Variants in FKBP15 observed in about 807,000 individuals in gnomAD.
FKBP15 encodes FKBP prolyl isomerase family member 15, also known as FK506-binding protein 15.
FKBP15 carries 106 observed loss-of-function variants against 158.1 expected under a neutral mutation model. The ratio of observed to expected loss-of-function variants is 0.67; its 90% CI spans 0.57 to 0.79. The LOEUF (loss-of-function observed/expected upper bound fraction) is 0.79. Among genes scored for constraint, FKBP15 ranks in the 30% least tolerant of loss-of-function variants. The probability of loss-of-function intolerance (pLI) is 0.00; values close to 1 mark genes in which losing one functional copy is unlikely to be tolerated. For missense variants in FKBP15, 1,287 were observed against 1,479.1 expected, an observed-to-expected ratio of 0.87 and a Z score of 2.13; for synonymous variants, 547 against 548.6, an observed-to-expected ratio of 1.00 and a Z score of 0.04.
At position 113,176,533 on chromosome 9, in the gene FKBP15, T is replaced by C; in HGVS notation, c.2223+4A>G. The C allele has an allele frequency of 6.4e-7, 1 of 1,553,176 alleles. No homozygotes were observed. On this transcript the variant is annotated splice_donor_region_variant and intron_variant, in intron 21 of 27. Coordinates refer to ENST00000238256, the MANE Select transcript of FKBP15 (RefSeq NM_015258.2). ...ATTCTGGCCAACTGGGTTGTAGAGC[T>C]TACCTTTTCCAAGGACTCCTTCTCA...
chr9:113,167,119 T>C (rs1191460094), intron 27 of FKBP15, among the ~76,000 whole-genome samples: 3 of 152,248 alleles, frequency 2.0e-5, no homozygotes, highest in Non-Finnish European at 2.9e-5. Flanking sequence ...TTTTCAAGTG[T>C]GGCTCACAGC....
chr9:113,187,705 C>T, intron 14 of FKBP15, 88 bp downstream of exon 14: 2 of 1,064,300 alleles, frequency 1.9e-6, no homozygotes, highest in Non-Finnish European at 2.8e-6. Context: ...GGAACTGCTA[C>T]TGTATGAAAT....
In FKBP15 at chr9:113,178,796, C is replaced by T. The variant is rs1830343171; in HGVS notation, c.1920G>A (p.Lys640=). 2 of 1,604,108 alleles carry T rather than the reference C, an allele frequency of 1.2e-6. No homozygotes were observed. Among genetic ancestry groups the T allele is most frequent in the Admixed American group, 3.4e-5 (2 of 58,470 alleles). The change falls in exon 20 of 28, where the codon AAG becomes AAA. Residue 640 remains lysine (K), a synonymous_variant. Coordinates refer to ENST00000238256, the MANE Select transcript of FKBP15 (RefSeq NM_015258.2). ...RVLHAEQEKA[K]VTEELAAATA... is the part of the protein sequence containing the mutation. ...TGGCCGCTGCTAACTCCTCTGTCACCTTGGCCTGAATAATAACAAAGTATG... is the reference window on the plus strand; with the variant it reads ...TGGCCGCTGCTAACTCCTCTGTCACTTTGGCCTGAATAATAACAAAGTATG...
rs770459238 is a variant in FKBP15 at position 113,203,009 on chromosome 9, T to C, written c.351A>G (p.Gln117=). 1 of 1,612,802 alleles carries C rather than the reference T, an allele frequency of 6.2e-7. No homozygotes were observed. The highest frequency in any genetic ancestry group is 8.5e-7 in the Non-Finnish European group (1 of 1,179,408). ...TCCTAGCAACCGTAACTGGCTGTTG[T>C]TGACTGATATAAAGAAGAATCCTAT... The part of the protein sequence containing the change: ...REYRILLYIS[Q]QQPVTVARIH... Residue 117 remains glutamine (Q), a synonymous_variant, in exon 5 of 28, where the codon CAA becomes CAG. Transcript: ENST00000238256.
rs937544032 is a variant in FKBP15 at position 113,173,021 on chromosome 9, T to C, written c.2532+432A>G. Among the ~76,000 whole-genome samples, 5 of 152,184 alleles carry C rather than the reference T, an allele frequency of 3.3e-5. No homozygotes were observed. In the East Asian group the frequency reaches 9.6e-4, roughly 29 times the overall value. ...TTGGCTCTGCTCAAATGTCACCACC[T>C]TTGGGAAACCTTCCCAGCTCTCCTG... On this transcript the variant is annotated intron_variant, in intron 23 of 27. Transcript: ENST00000238256.
At position 113,198,887 on chromosome 9, in the gene FKBP15, G is replaced by A. The variant is rs772357114; in HGVS notation, c.685C>T (p.Arg229Cys). 5 of 1,605,882 alleles carry A rather than the reference G, an allele frequency of 3.1e-6. No homozygotes were observed. Among genetic ancestry groups the A allele is most frequent in the Non-Finnish European group, 4.3e-6 (5 of 1,175,846 alleles). The change falls in exon 8 of 28, where the codon CGC (arginine) becomes TGC (cysteine). Residue 229 changes from arginine (R) to cysteine (C), a missense_variant. Physicochemically the swap from Arg to Cys is radical, Grantham distance 180. Coordinates refer to ENST00000238256, the MANE Select transcript of FKBP15 (RefSeq NM_015258.2). This position sits in a 1 kb window ranked among gnomAD's most constrained non-coding sequence, Gnocchi z 5.2. ...ACTTTTCCTGATCCTAACTTCAAGCGAAGCAACTTATCTTTGTTAGCAGTG... is the reference window on the plus strand; with the variant it reads ...ACTTTTCCTGATCCTAACTTCAAGCAAAGCAACTTATCTTTGTTAGCAGTG... ...DSTANKDKLL[R>C]LKLGSGKVIK...
At chr9:113,172,819 C>G (rs1188281371) in intron 23 of FKBP15, among the ~76,000 whole-genome samples, 2 of 152,226 alleles carry the variant, frequency 1.3e-5, no homozygotes, top group Admixed American at 6.5e-5. Flanking sequence ...CAACTGGACA[C>G]TTTAAGGAAA....
rs201819108 is a variant in FKBP15 at position 113,168,593 on chromosome 9, C to T, written c.3486-37G>A. On this transcript the variant is annotated intron_variant, in intron 26 of 27. Coordinates refer to ENST00000238256, the MANE Select transcript of FKBP15 (RefSeq NM_015258.2). ...TCAAGTCATAGAAAATGTTATTGTT[C>T]CTGCTCCAGGTCACAGTACCCACCA... 685 of 1,591,182 alleles carry T rather than the reference C, an allele frequency of 4.3e-4. 1 individual carries two copies. Among genetic ancestry groups the T allele is most frequent in the Non-Finnish European group, 5.6e-4 (646 of 1,160,420 alleles).
chr9:113,184,047 ATAAATGGC>A lies in FKBP15; in HGVS notation c.1717-210_1717-203del, dbSNP rs1288860180. 1.3e-5 allele frequency among the ~76,000 whole-genome samples: 2 copies of A among 152,260 alleles called. No individual in the cohort carries two copies. Among genetic ancestry groups the A allele is most frequent in the Non-Finnish European group, 2.9e-5 (2 of 68,040 alleles). On this transcript the variant is annotated intron_variant, in intron 17 of 27. Transcript: ENST00000238256. This position sits in a 1 kb window ranked among gnomAD's most constrained non-coding sequence, Gnocchi z 4.5. Reference sequence around the variant, plus strand: ...TCACTAGGTCCAATGGATTGAGTGAATAAATGGCTAAAAAAAGAAGTGAAATTCTGAAG... The same window carrying A: ...TCACTAGGTCCAATGGATTGAGTGAATAAAAAAAGAAGTGAAATTCTGAAG...
chr9:113,206,194 G>A, intron 4 of FKBP15: 1 of 374,152 alleles, frequency 2.7e-6, no homozygotes, highest in Non-Finnish European at 4.9e-6. Flanking sequence ...ATATATGTGT[G>A]TATTTGTGTA....
Position 113,161,903 on chromosome 9 carries a change from A to G in FKBP15, c.*4175T>C. On this transcript the variant is annotated 3_prime_UTR_variant, in exon 28 of 28. Transcript: ENST00000238256. ...AGGCCAAAGCACTCTGTGAACAGCC[A>G]GCCACTTGAGAGGCTCAGAAGGCTT... 6 of 679,276 alleles carry G rather than the reference A, an allele frequency of 8.8e-6. No individual in the cohort carries two copies. The South Asian group carries it at 9.3e-5, about 11-fold the overall frequency. The allele number at this position is 679,276 out of a possible 1,614,324, so 42.1% of individuals were successfully genotyped here. A position where few individuals can be genotyped will look rare whatever the true frequency, so the allele number is the denominator to read the frequency against.
At chr9:113,203,588 C>T (rs10817456) in intron 4 of FKBP15, among the ~76,000 whole-genome samples, 44,508 of 150,544 alleles carry the variant, frequency 0.3, 6,716 homozygotes, top group East Asian at 0.34. Flanking sequence ...AGTGCAGTGG[C>T]GCAATCTCGG....
At position 113,179,115 on chromosome 9, in the gene FKBP15, G is replaced by A. The variant is rs1460863319; in HGVS notation, c.1915-314C>T. ...ACACGACATAGCTCACTGTAGCCTCGGACTCCTGGGCTCAAGCAATCCTCC... is the reference window on the plus strand; with the variant it reads ...ACACGACATAGCTCACTGTAGCCTCAGACTCCTGGGCTCAAGCAATCCTCC... On this transcript the variant is annotated intron_variant, in intron 19 of 27. Coordinates refer to ENST00000238256, the MANE Select transcript of FKBP15 (RefSeq NM_015258.2). Among the ~76,000 whole-genome samples the A allele has an allele frequency of 2.0e-5, 3 of 151,560 alleles. No individual in the cohort carries two copies. In the South Asian group the frequency reaches 6.3e-4, roughly 32 times the overall value.
chr9:113,212,501 C>T (rs1441686906), intron 1 of FKBP15, among the ~76,000 whole-genome samples: 1 of 152,086 alleles, frequency 6.6e-6, no homozygotes, highest in East Asian at 1.9e-4. Context: ...TCACCAACAA[C>T]TTCTTTGCTA....
intron 14 of FKBP15, chr9:113,187,563 G>A (rs577791100): frequency 3.3e-4 from 168 of 511,138 alleles, no homozygotes; most frequent in South Asian, 2.7e-3. Context: ...TCTTTACTAC[G>A]TTGTACTAGG....
intron 7 of FKBP15, 148 bp downstream of exon 7, chr9:113,199,666 C>T: frequency 1.3e-6 from 1 of 764,496 alleles, no homozygotes; most frequent in Non-Finnish European, 2.0e-6. Flanking sequence ...TCATAATATG[C>T]CCCCAAAGCA....
At position 113,178,710 on chromosome 9, in the gene FKBP15, A is replaced by T; in HGVS notation, c.2006T>A (p.Leu669Gln). ...MTAHQKKETE[L>Q]QMQLTESLKE... is the part of the protein sequence containing the mutation. ...CAGGCTTTCTGTCAGCTGCATCTGCAGCTCTGTTTCCTTTTTTTGGTGAGC... is the reference window on the plus strand; with the variant it reads ...CAGGCTTTCTGTCAGCTGCATCTGCTGCTCTGTTTCCTTTTTTTGGTGAGC... Residue 669 changes from leucine (L) to glutamine (Q), a missense_variant, in exon 20 of 28, where the codon CTG (leucine) becomes CAG (glutamine). Coordinates refer to ENST00000238256, the MANE Select transcript of FKBP15 (RefSeq NM_015258.2). The T allele has an allele frequency of 6.2e-7, 1 of 1,609,250 alleles. No homozygotes were observed. Among genetic ancestry groups the T allele is most frequent in the Non-Finnish European group, 8.5e-7 (1 of 1,177,776 alleles).
chr9:113,212,188 G>T (rs1329574091), intron 1 of FKBP15, among the ~76,000 whole-genome samples: 2 of 151,812 alleles, frequency 1.3e-5, no homozygotes, highest in African/African-American at 2.4e-5. Context: ...AAATTTTTTT[G>T]TTTGTTTTTG....
intron 4 of FKBP15, among the ~76,000 whole-genome samples, chr9:113,203,859 A>G (rs1218137191): frequency 6.6e-6 from 1 of 152,066 alleles, no homozygotes; most frequent in African/African-American, 2.4e-5. Flanking sequence ...TATAAATAGG[A>G]TTATACAGAG....
Sources: gnomAD v4.1 joint callset for allele counts (sites outside exome capture counted in the v4.1 genomes callset) on GRCh38, gnomAD v4.1.1 for gene constraint, Gnocchi (gnomAD v3.1) non-coding constraint, MANE v1.5 for transcripts, NCBI Gene and HGNC (gene_info 2026-07-23, HGNC 2026-07-21) for gene names.